MS4A4E: variants seen among roughly 807,000 people sequenced by gnomAD.
The protein encoded by MS4A4E is putative membrane-spanning 4-domains subfamily A member 4E.
MS4A4E carries 23 observed loss-of-function variants against 13.3 expected under a neutral mutation model. The observed-to-expected ratio is 1.73, with a 90% CI of 1.25 to 2.45. The LOEUF (loss-of-function observed/expected upper bound fraction) is 2.45. Among genes scored for constraint, MS4A4E ranks in the 30% most tolerant of loss-of-function variants. The pLI is 0.00. For synonymous variants in MS4A4E, 36 were observed against 45.6 expected (o/e 0.79, Z 0.85); for missense variants, 144 against 131.2 (o/e 1.10, Z -0.48).
At chr11:60,218,994 A>G (rs1298996716) in intron 3 of MS4A4E, among the ~76,000 whole-genome samples, 2 of 152,184 alleles carry the variant, frequency 1.3e-5, no homozygotes, top group Non-Finnish European at 2.9e-5. Flanking sequence ...TAGCTGAAAT[A>G]TGGATTAAAA....
chr11:60,210,645 A>G (rs1436899524), intron 5 of MS4A4E, among the ~76,000 whole-genome samples: 1 of 152,098 alleles, frequency 6.6e-6, no homozygotes, highest in Admixed American at 6.5e-5. Context: ...TTTTTCTTCC[A>G]GGAGAACCAA....
chr11:60,235,226 G>T (rs1030109260), intron 1 of MS4A4E, among the ~76,000 whole-genome samples: 7 of 152,092 alleles, frequency 4.6e-5, no homozygotes, highest in Admixed American at 3.3e-4. Flanking sequence ...CAAAGTAGCT[G>T]GGATTACAGG....
intron 8 of MS4A4E, among the ~76,000 whole-genome samples, chr11:60,203,093 A>G (rs187497955): frequency 1.7e-4 from 26 of 152,344 alleles, no homozygotes; most frequent in Non-Finnish European, 3.4e-4. Context: ...AATTCTGTGG[A>G]CACACTTATC....
Position 60,204,452 on chromosome 11 carries a change from G to A in MS4A4E, c.659+438C>T, listed in dbSNP as rs566142745. On this transcript the variant is annotated intron_variant, in intron 8 of 8. Coordinates refer to ENST00000651255, the MANE Select transcript of MS4A4E (RefSeq NM_001393391.1). Reference sequence around the variant, plus strand: ...GAGTGAAGTTCTGTGGTAGCTTTGTGACCTAGGAAAAATTAATTGTGTGAA... The same window carrying A: ...GAGTGAAGTTCTGTGGTAGCTTTGTAACCTAGGAAAAATTAATTGTGTGAA... Among the ~76,000 whole-genome samples, 6 of 152,242 alleles carry A rather than the reference G, an allele frequency of 3.9e-5. No homozygotes were observed. The South Asian group carries it at 1.0e-3, about 26-fold the overall frequency.
At chr11:60,232,316 CA>C (rs2084420841) in intron 1 of MS4A4E, among the ~76,000 whole-genome samples, 6 of 151,302 alleles carry the variant, frequency 4.0e-5, no homozygotes, top group African/African-American at 9.7e-5. Flanking sequence ...CACACACACA[CA>C]CACACCAAAA....
At chr11:60,207,621 C>T (rs1018072138) in intron 6 of MS4A4E, among the ~76,000 whole-genome samples, 13 of 152,192 alleles carry the variant, frequency 8.5e-5, no homozygotes, top group Admixed American at 7.2e-4. Context: ...ACTACAATTA[C>T]TTTATTCTTT....
intron 1 of MS4A4E, among the ~76,000 whole-genome samples, chr11:60,241,840 T>G (rs919303940): frequency 1.3e-5 from 2 of 152,148 alleles, no homozygotes; most frequent in Admixed American, 1.3e-4. Context: ...ATGCATCAGG[T>G]TCTTGACAAC....
rs1376683455 is a variant in MS4A4E at position 60,229,939 on chromosome 11, G to A, written c.117C>T (p.Phe39=). The part of the protein sequence containing the change: ...SYLCKGLQEK[F]FKRKPKVLGV... ...CAAGGACTTTGGGTTTCCTCTTGAA[G>A]AACTTCTCTTGCAATCCTTTACACA... Residue 39 remains phenylalanine, a synonymous_variant, in exon 2 of 9, where the codon TTC becomes TTT. Coordinates refer to ENST00000651255, the MANE Select transcript of MS4A4E (RefSeq NM_001393391.1). 1 of 1,611,296 alleles carries A rather than the reference G, an allele frequency of 6.2e-7. No individual in the cohort carries two copies. Among genetic ancestry groups the A allele is most frequent in the East Asian group, 2.2e-5 (1 of 44,858 alleles).
chr11:60,217,804 G>A (rs2134938767), intron 3 of MS4A4E, among the ~76,000 whole-genome samples: 1 of 152,288 alleles, frequency 6.6e-6, no homozygotes, highest in Admixed American at 6.5e-5. Flanking sequence ...TGAGGAAGAT[G>A]TAAGTCGCCT....
At chr11:60,220,350 G>A (rs1172413654) in intron 3 of MS4A4E, among the ~76,000 whole-genome samples, 1 of 152,182 alleles carries the variant, frequency 6.6e-6, no homozygotes, top group African/African-American at 2.4e-5. Flanking sequence ...CTGGTACCTG[G>A]TAAGCAGCCA....
chr11:60,240,712 G>A (rs982886740), intron 1 of MS4A4E, among the ~76,000 whole-genome samples: 1 of 151,960 alleles, frequency 6.6e-6, no homozygotes, highest in Non-Finnish European at 1.5e-5. Context: ...TGTTGAGCCC[G>A]TTTGCAGGAA....
intron 1 of MS4A4E, among the ~76,000 whole-genome samples, chr11:60,233,168 C>T (rs1186299059): frequency 6.6e-6 from 1 of 151,168 alleles, no homozygotes; most frequent in African/African-American, 2.5e-5. Context: ...TTCCTGAGGC[C>T]TTGCTGCTGC....
At chr11:60,238,648 T>C (rs2084512969) in intron 1 of MS4A4E, among the ~76,000 whole-genome samples, 2 of 152,236 alleles carry the variant, frequency 1.3e-5, no homozygotes, top group African/African-American at 2.4e-5. Context: ...AATGTGTTTC[T>C]ACTCTCTATT....
In MS4A4E at chr11:60,200,496, A is replaced by C. The variant is rs1048571638; in HGVS notation, c.*1047T>G. ...GATTAGGGAGTGGTGATGACTCTTAACGAGCATGCTGCCTTCAAGCATCTG... is the reference window on the plus strand; with the variant it reads ...GATTAGGGAGTGGTGATGACTCTTACCGAGCATGCTGCCTTCAAGCATCTG... On this transcript the variant is annotated 3_prime_UTR_variant, in exon 9 of 9. Coordinates refer to ENST00000651255, the MANE Select transcript of MS4A4E (RefSeq NM_001393391.1). Among the ~76,000 whole-genome samples, 1 of 152,096 alleles carries C rather than the reference A, an allele frequency of 6.6e-6. No individual in the cohort carries two copies. Among genetic ancestry groups the C allele is most frequent in the African/African-American group, 2.4e-5 (1 of 41,396 alleles).
chr11:60,201,516 C>T lies in MS4A4E; in HGVS notation c.*27G>A, dbSNP rs750438636. On this transcript the variant is annotated 3_prime_UTR_variant, in exon 9 of 9. Transcript: ENST00000651255. ...GGTGCTCCTCACATCCCAGACAGGG[C>T]GGTGGGGCAAAGGCGCTCCCCACAT... 53 of 270,578 alleles carry T rather than the reference C, an allele frequency of 2.0e-4. No individual in the cohort carries two copies. Among genetic ancestry groups the T allele is most frequent in the South Asian group, 1.1e-3 (39 of 34,336 alleles). The allele number at this position is 270,578 out of a possible 1,614,324, so 16.8% of individuals were successfully genotyped here.
chr11:60,234,945 C>A (rs916163600), intron 1 of MS4A4E, among the ~76,000 whole-genome samples: 1 of 151,160 alleles, frequency 6.6e-6, no homozygotes, highest in Non-Finnish European at 1.5e-5. Context: ...AAAACACAGG[C>A]TGAAAGTGAA....
chr11:60,211,458 CT>C (rs1565119168), intron 5 of MS4A4E, among the ~76,000 whole-genome samples: 1 of 152,140 alleles, frequency 6.6e-6, no homozygotes, highest in Admixed American at 6.5e-5. Flanking sequence ...GCAGTTGATT[CT>C]GTCTAGTAAG....
intron 1 of MS4A4E, among the ~76,000 whole-genome samples, chr11:60,241,279 C>T (rs1022675563): frequency 6.6e-5 from 10 of 152,234 alleles, no homozygotes; most frequent in African/African-American, 2.4e-4. Context: ...CCACCTGGGC[C>T]TCCCAAAGTG....
intron 6 of MS4A4E, among the ~76,000 whole-genome samples, chr11:60,207,113 C>T (rs1221576131): frequency 6.6e-6 from 1 of 152,094 alleles, no homozygotes; most frequent in Non-Finnish European, 1.5e-5. Flanking sequence ...TTGCTGGTTA[C>T]AAATAAAGCA....
Sources: gnomAD v4.1 joint callset for allele counts (sites outside exome capture counted in the v4.1 genomes callset) on GRCh38, gnomAD v4.1.1 for gene constraint, MANE v1.5 for transcripts, NCBI Gene and HGNC (gene_info 2026-07-23, HGNC 2026-07-21) for gene names.